The following RHCE variants were observed in gnomAD, a reference collection of about 807,000 sequenced individuals.
RHCE encodes the protein blood group Rh(CE) polypeptide.
A neutral mutation model predicts 43.8 loss-of-function variants in RHCE; 22 were observed. The ratio of observed to expected loss-of-function variants is 0.50; its 90% CI spans 0.36 to 0.72. The LOEUF is 0.72. RHCE is among the 30% of genes least tolerant of loss of function. The pLI is 0.00. For missense variants in RHCE, 385 were observed against 525.4 expected, an observed-to-expected ratio of 0.73 and a Z score of 2.61; for synonymous variants, 156 against 210.7, an observed-to-expected ratio of 0.74 and a Z score of 2.25.
intron 1 of RHCE, chr1:25,411,536 G>A: frequency 7.0e-7 from 1 of 1,421,782 alleles, no homozygotes; most frequent in Admixed American, 2.4e-5. Context: ...ACACCACCAG[G>A]ATATAGGAGA....
At chr1:25,390,962 A>C in intron 4 of RHCE, 47 bp from the exon 5 acceptor site, 3 of 1,613,506 alleles carry the variant, frequency 1.9e-6, no homozygotes, top group Non-Finnish European at 2.5e-6. Flanking sequence ...TCCTGCTCCA[A>C]AGGTCTGAGC....
intron 8 of RHCE, among the ~76,000 whole-genome samples, chr1:25,371,531 C>CA (rs1645612264): frequency 6.6e-6 from 1 of 151,342 alleles, no homozygotes; most frequent in Non-Finnish European, 1.5e-5. Context: ...CTACCATACC[C>CA]AGCTCATTTT....
chr1:25,411,350 T>G, intron 1 of RHCE: 1 of 1,550,560 alleles, frequency 6.4e-7, no homozygotes, highest in Non-Finnish European at 8.7e-7. Flanking sequence ...CTGCCACTGG[T>G]CTCCAGCCCT....
At chr1:25,421,468 C>T (rs2042758893), upstream of RHCE, among the ~76,000 whole-genome samples, 1 of 152,116 alleles carries the variant, frequency 6.6e-6, no homozygotes, top group African/African-American at 2.4e-5. Context: ...CTAGTAAAAA[C>T]CTGGAGGGGA....
intron 9 of RHCE, among the ~76,000 whole-genome samples, chr1:25,368,772 T>C (rs962975316): frequency 5.3e-5 from 8 of 150,244 alleles, no homozygotes; most frequent in African/African-American, 2.0e-4. Context: ...TGTTTTGTTT[T>C]GTTTTTGAGG....
In RHCE at chr1:25,362,391, A is replaced by G. The variant is rs770796616; in HGVS notation, c.*136T>C. 3.1e-6 allele frequency: 5 copies of G among 1,594,518 alleles called. No individual in the cohort carries two copies. The East Asian group carries it at 1.1e-4, about 36-fold the overall frequency. On this transcript the variant is annotated 3_prime_UTR_variant, in exon 10 of 10. Coordinates refer to ENST00000294413, the MANE Select transcript of RHCE (RefSeq NM_020485.8). ...TTAGTCTTTAATTTTTTAATATCAA[A>G]TCTGTCTCTGACCTTGTTTCATTAT...
rs184101067 is a variant in RHCE at position 25,392,136 on chromosome 1, G to A, written c.492C>T (p.Asp164=). The A allele has an allele frequency of 1.1e-5, 17 of 1,614,170 alleles. No homozygotes were observed. The highest frequency in any genetic ancestry group is 1.4e-5 in the Non-Finnish European group (17 of 1,180,004). ...RMVISNIFNT[D]YHMNLRHFYV... ...AGAAGTGCCTCAGGTTCATGTGGTA[G>A]TCTGTCTGCAATAAAACCCAGTAAG... Residue 164 remains aspartate (D), a synonymous_variant, in exon 4 of 10, where the codon GAC becomes GAT. Transcript: ENST00000294413.
chr1:25,372,473 A>G (rs1645640609), intron 8 of RHCE, among the ~76,000 whole-genome samples: 1 of 151,284 alleles, frequency 6.6e-6, no homozygotes, highest in Admixed American at 6.6e-5. Flanking sequence ...GAGCCGAGAT[A>G]GCGCCATTGC....
At position 25,392,609 on chromosome 1, in the gene RHCE, T is replaced by C. The variant is rs567366710; in HGVS notation, c.487-468A>G. Among the ~76,000 whole-genome samples, 3 of 131,292 alleles carry C rather than the reference T, an allele frequency of 2.3e-5. No individual in the cohort carries two copies. In the East Asian group the frequency reaches 8.0e-4, roughly 35 times the overall value. 86.1% of individuals were successfully genotyped at this position (131,292 alleles called of 152,430 possible). On this transcript the variant is annotated intron_variant, in intron 3 of 9. Coordinates refer to ENST00000294413, the MANE Select transcript of RHCE (RefSeq NM_020485.8). ...TTTTTGAGACAGAGTCTTGCTCCATTGCTCAAGCTGGAGTGCAGTGGTGTG... is the reference window on the plus strand; with the variant it reads ...TTTTTGAGACAGAGTCTTGCTCCATCGCTCAAGCTGGAGTGCAGTGGTGTG...
chr1:25,405,099 T>G (rs990523285), intron 2 of RHCE, among the ~76,000 whole-genome samples: 1 of 150,916 alleles, frequency 6.6e-6, no homozygotes, highest in African/African-American at 2.4e-5. Context: ...CTCAGGAGGC[T>G]GTAATTCCAG....
At chr1:25,412,145 C>T (rs1244299834) in intron 1 of RHCE, among the ~76,000 whole-genome samples, 1 of 152,180 alleles carries the variant, frequency 6.6e-6, no homozygotes, top group Non-Finnish European at 1.5e-5. Context: ...ACTACCAGGC[C>T]CCAAACATGC....
chr1:25,369,941 G>A (rs1373380738), intron 9 of RHCE, among the ~76,000 whole-genome samples: 1 of 151,176 alleles, frequency 6.6e-6, no homozygotes, highest in African/African-American at 2.5e-5. Flanking sequence ...GTTTTGACAC[G>A]TTGGCCAGGC....
intron 6 of RHCE, among the ~76,000 whole-genome samples, chr1:25,386,137 G>A (rs1205016520): frequency 6.6e-6 from 1 of 152,204 alleles, no homozygotes; most frequent in Admixed American, 6.5e-5. Flanking sequence ...AGGGTCTAGT[G>A]TAGGCACTAT....
At chr1:25,391,212 T>C (rs1646350587) in intron 4 of RHCE, among the ~76,000 whole-genome samples, 1 of 152,180 alleles carries the variant, frequency 6.6e-6, no homozygotes, top group Non-Finnish European at 1.5e-5. Context: ...TGAGATGGAC[T>C]CTTGCTCTGT....
rs1332061407 is a variant in RHCE at position 25,372,091 on chromosome 1, A to T, written c.1154-1551T>A. Among the ~76,000 whole-genome samples the T allele has an allele frequency of 7.3e-5, 11 of 151,358 alleles. 1 individual carries two copies. In the East Asian group the frequency reaches 9.7e-4, roughly 13 times the overall value. On this transcript the variant is annotated intron_variant, in intron 8 of 9. Coordinates refer to ENST00000294413, the MANE Select transcript of RHCE (RefSeq NM_020485.8). ...ACATTAAACATATTTAGACTTTTTAAAAAAAAAATCAGAACCATCACTAGG... is the reference window on the plus strand; with the variant it reads ...ACATTAAACATATTTAGACTTTTTATAAAAAAAATCAGAACCATCACTAGG...
intron 1 of RHCE, 41 bp downstream of exon 1, chr1:25,420,598 T>G: frequency 6.2e-7 from 1 of 1,613,820 alleles, no homozygotes; most frequent in South Asian, 1.1e-5. Flanking sequence ...CCCCTGCCCC[T>G]GCTATTTGCT....
At chr1:25,412,846 G>A (rs1200089919) in intron 1 of RHCE, among the ~76,000 whole-genome samples, 1 of 151,324 alleles carries the variant, frequency 6.6e-6, no homozygotes, top group East Asian at 1.9e-4. Context: ...CCAACATGGT[G>A]AAATCCCGTC....
rs542062157 is a variant in RHCE, at chr1:25,405,872, G to A, written c.335+2811C>T. ...GAGTGTTGCCAAGGGAGAGTACCCC[G>A]TCCCCAGGGGCAGGCCTGGGCACCA... On this transcript the variant is annotated intron_variant, in intron 2 of 9. Coordinates refer to ENST00000294413, the MANE Select transcript of RHCE (RefSeq NM_020485.8). Among the ~76,000 whole-genome samples, 91 of 121,816 alleles carry A rather than the reference G, an allele frequency of 7.5e-4. 24 individuals carry two copies. The highest frequency in any genetic ancestry group is 8.6e-3 in the Middle Eastern group (2 of 232). 79.9% of individuals were successfully genotyped at this position (121,816 alleles called of 152,430 possible).
intron 8 of RHCE, among the ~76,000 whole-genome samples, chr1:25,370,805 G>A (rs953355001): frequency 9.3e-5 from 14 of 150,246 alleles, no homozygotes; most frequent in Admixed American, 1.3e-4. Context: ...CTGGAGTACC[G>A]TGGCATGATC....
Sources: allele counts gnomAD v4.1 joint callset (sites outside exome capture counted in the v4.1 genomes callset), GRCh38; gene constraint gnomAD v4.1.1; transcripts MANE v1.5; gene names NCBI Gene and HGNC (gene_info 2026-07-23, HGNC 2026-07-21).